Variants in HEATR4 observed in about 807,000 individuals in gnomAD.
HEATR4 encodes the protein HEAT repeat-containing protein 4.
A neutral mutation model predicts 108.8 loss-of-function variants in HEATR4; 95 were observed. The ratio of observed to expected loss-of-function variants is 0.87; its 90% confidence interval spans 0.74 to 1.04. The LOEUF is 1.04. HEATR4 is among the 50% of genes least tolerant of loss of function. HEATR4 has a pLI of 0.00. For missense variants in HEATR4, 1,152 were observed against 1,253.8 expected (o/e 0.92, Z 1.23); for synonymous variants, 443 against 459.4 (o/e 0.96, Z 0.46).
At chr14:73,610,718 C>G in the HEATR4 span, among the ~76,000 whole-genome samples, 1 of 152,182 alleles carries the variant, frequency 6.6e-6, no homozygotes, top group Non-Finnish European at 1.5e-5. Flanking sequence ...GGGCAGTTCT[C>G]TGGTTGGCCT....
At chr14:73,509,897 G>T in intron 7 of HEATR4, among the ~76,000 whole-genome samples, 1 of 126,508 alleles carries the variant, frequency 7.9e-6, no homozygotes. Context: ...TTTTTGAGAC[G>T]GAGTCTTGTT....
chr14:73,509,857 TATA>T, intron 7 of HEATR4, among the ~76,000 whole-genome samples: 1 of 71,476 alleles, frequency 1.4e-5, no homozygotes, highest in Non-Finnish European at 3.0e-5. Flanking sequence ...TATATATATA[TATA>T]TATATATATT....
intron 17 of HEATR4, chr14:73,491,749 C>T (rs1343469717): frequency 6.4e-7 from 1 of 1,558,280 alleles, no homozygotes; most frequent in South Asian, 1.2e-5. Flanking sequence ...TTTTCTCTAC[C>T]GCTGACCTGG....
At chr14:73,595,521 T>C in the HEATR4 span, 5 of 1,613,038 alleles carry the variant, frequency 3.1e-6, no homozygotes, top group Non-Finnish European at 8.5e-7. Flanking sequence ...CACAGATTAC[T>C]GAACAAACAT....
chr14:73,583,349 A>C, the HEATR4 span, among the ~76,000 whole-genome samples: 2 of 17,046 alleles, frequency 1.2e-4, no homozygotes, highest in Admixed American at 2.5e-3. Context: ...ACTCCGTCTC[A>C]AAAAAAAAAA....
intron 1 of HEATR4, among the ~76,000 whole-genome samples, chr14:73,552,933 T>C (rs1780586678): frequency 8.9e-6 from 1 of 112,214 alleles, no homozygotes; most frequent in African/African-American, 2.9e-5. Context: ...CTCCCTTCCA[T>C]CCCCCATGGG....
Position 73,530,647 on chromosome 14 carries a change from T to C in HEATR4, c.-151-403A>G, listed in dbSNP as rs1309137456. ...CTGGTCTAATGCCTTGATTTGTTTT[T>C]TGTTTGTTTGTTTTTTTGAGACAGG... On this transcript the variant is annotated intron_variant, in intron 1 of 17. Coordinates refer to ENST00000553558, the MANE Select transcript of HEATR4 (RefSeq NM_001220484.1). The C allele has an allele frequency of 3.0e-4, 33 of 108,924 alleles. 8 individuals carry two copies. The highest frequency in any genetic ancestry group is 9.0e-4 in the African/African-American group (30 of 33,238). 6.7% of individuals were successfully genotyped at this position (108,924 alleles called of 1,614,324 possible).
chr14:73,629,899 G>A, the HEATR4 span, among the ~76,000 whole-genome samples: 66,617 of 151,582 alleles, frequency 0.44, 15,403 homozygotes, highest in East Asian at 0.83. Context: ...CGCCCTCCTC[G>A]GCCTCCCAAA....
the HEATR4 span, among the ~76,000 whole-genome samples, chr14:73,610,521 C>A: frequency 2.6e-5 from 4 of 152,054 alleles, no homozygotes; most frequent in Admixed American, 2.6e-4. Context: ...AAACTCCTGA[C>A]CCCAAGTCAT....
the HEATR4 span, among the ~76,000 whole-genome samples, chr14:73,587,359 T>G: frequency 0.014 from 813 of 59,126 alleles, 10 homozygotes; most frequent in African/African-American, 0.083. Context: ...AACATCCACT[T>G]TTTTTTTTTT....
At chr14:73,626,465 G>A in the HEATR4 span, among the ~76,000 whole-genome samples, 1 of 152,118 alleles carries the variant, frequency 6.6e-6, no homozygotes, top group East Asian at 1.9e-4. Flanking sequence ...GGAAGCTGCA[G>A]TAGAAAAGTT....
the HEATR4 span, among the ~76,000 whole-genome samples, chr14:73,608,602 C>T: frequency 6.6e-6 from 1 of 152,176 alleles, no homozygotes; most frequent in African/African-American, 2.4e-5. Flanking sequence ...TAAACTTTCC[C>T]ACGCTTTCCT....
At chr14:73,604,750 G>T in the HEATR4 span, among the ~76,000 whole-genome samples, 1 of 152,060 alleles carries the variant, frequency 6.6e-6, no homozygotes, top group African/African-American at 2.4e-5. Context: ...GGCCTCCCAA[G>T]TGCTGGGATT....
rs774036680 is a variant in HEATR4, at chr14:73,500,603, C to G, written c.2233G>C (p.Val745Leu). The change falls in exon 12 of 18, where the codon GTT becomes CTT. Residue 745 changes from valine to leucine, a missense_variant. Transcript: ENST00000553558. ...LHCFSDDFTA[V>L]RRAACLAAGA... ...GCTGCCAAACAGGCTGCCCGCCGAACTGCTGTGAAGTCATCAGAGAAGCAG... is the reference window on the plus strand; with the variant it reads ...GCTGCCAAACAGGCTGCCCGCCGAAGTGCTGTGAAGTCATCAGAGAAGCAG... The G allele has an allele frequency of 6.2e-7, 1 of 1,614,020 alleles. No individual in the cohort carries two copies. Among genetic ancestry groups the G allele is most frequent in the South Asian group, 1.1e-5 (1 of 91,064 alleles).
chr14:73,478,993 C>T, intron 17 of HEATR4, 151 bp from the exon 18 acceptor site: 2 of 538,316 alleles, frequency 3.7e-6, no homozygotes, highest in Non-Finnish European at 6.5e-6. Flanking sequence ...GGCTGGAGTT[C>T]AGTGGCGCAA....
the HEATR4 span, among the ~76,000 whole-genome samples, chr14:73,568,701 CAA>C: frequency 6.6e-6 from 1 of 151,966 alleles, no homozygotes; most frequent in South Asian, 2.1e-4. Context: ...GGGCGGATTA[CAA>C]AGTCAGGAGT....
intron 1 of HEATR4, chr14:73,543,056 G>A (rs1306292728): frequency 6.8e-7 from 1 of 1,475,700 alleles, no homozygotes; most frequent in Non-Finnish European, 9.3e-7. Context: ...TCAGGTAAAA[G>A]GTCCAGGAGT....
rs1887091045 is a variant in HEATR4, at chr14:73,509,810, C to CTATATA, written c.1559-338_1559-337insTATATA. Among the ~76,000 whole-genome samples the CTATATA allele has an allele frequency of 1.6e-3, 100 of 63,190 alleles. 28 individuals carry two copies. Among genetic ancestry groups the CTATATA allele is most frequent in the Non-Finnish European group, 2.0e-3 (64 of 32,722 alleles). The allele number at this position is 63,190 out of a possible 152,430, so 41.5% of individuals were successfully genotyped here. A position where few individuals can be genotyped will look rare whatever the true frequency, so the allele number is the denominator to read the frequency against. On this transcript the variant is annotated intron_variant, in intron 7 of 17. Transcript: ENST00000553558. ...AAAGCAACCAATTTGCCCCATGAGC[C>CTATATA]CATATATATATATATATATATATAT... is the stretch of plus-strand genomic sequence containing the variant.
At chr14:73,606,591 C>T in the HEATR4 span, among the ~76,000 whole-genome samples, 1 of 152,104 alleles carries the variant, frequency 6.6e-6, no homozygotes, top group South Asian at 2.1e-4. Flanking sequence ...GCAAGGTGAA[C>T]CCATTGGGTG....
Sources: gnomAD v4.1 joint callset for allele counts (sites outside exome capture counted in the v4.1 genomes callset) on GRCh38, gnomAD v4.1.1 for gene constraint, MANE v1.5 for transcripts, NCBI Gene and HGNC (gene_info 2026-07-23, HGNC 2026-07-21) for gene names.